The following CFAP61 variants were observed in gnomAD, a reference collection of about 807,000 sequenced individuals.
CFAP61 encodes cilia- and flagella-associated protein 61.
CFAP61 carries 107 observed loss-of-function variants against 135.6 expected under a neutral mutation model. The ratio of observed to expected loss-of-function variants is 0.79; its 90% CI spans 0.67 to 0.93. The LOEUF is 0.93. Among genes scored for constraint, CFAP61 ranks in the 40% least tolerant of loss-of-function variants. The pLI, the probability that CFAP61 is intolerant of heterozygous loss-of-function variation, is 0.00. For synonymous variants in CFAP61, 575 were observed against 578.5 expected (o/e 0.99, Z 0.09); for missense variants, 1,507 against 1,556.2 (o/e 0.97, Z 0.53).
At chr20:20,115,948 A>G (rs1448721658) in intron 8 of CFAP61, among the ~76,000 whole-genome samples, 1 of 152,220 alleles carries the variant, frequency 6.6e-6, no homozygotes, top group African/African-American at 2.4e-5. Context: ...TCTTTTGAAT[A>G]TATACCTAGC....
At chr20:20,173,258 G>A (rs1213930572) in intron 13 of CFAP61, among the ~76,000 whole-genome samples, 2 of 152,200 alleles carry the variant, frequency 1.3e-5, no homozygotes, top group Non-Finnish European at 2.9e-5. Context: ...AGGTTTTTAT[G>A]TGGGTGAAAG....
At chr20:20,205,390 A>G (rs562162873) in intron 17 of CFAP61, among the ~76,000 whole-genome samples, 2 of 152,368 alleles carry the variant, frequency 1.3e-5, no homozygotes, top group Admixed American at 6.5e-5. Flanking sequence ...TAATTGACAG[A>G]GTTTCAAACC....
intron 16 of CFAP61, 52 bp downstream of exon 16, chr20:20,196,828 G>C (rs532498996): frequency 6.4e-5 from 95 of 1,486,986 alleles, no homozygotes; most frequent in Non-Finnish European, 8.6e-5. Context: ...TCACAGTGTT[G>C]TTGGTGTTGT....
In CFAP61 at chr20:20,250,244, T is replaced by C. The variant is rs539443619; in HGVS notation, c.2160-1351T>C. Among the ~76,000 whole-genome samples, 14 of 152,324 alleles carry C rather than the reference T, an allele frequency of 9.2e-5. No homozygotes were observed. The South Asian group carries it at 2.7e-3, about 29-fold the overall frequency. ...AAACAGGGTTCTGTCTCATTAATATTATTTAGAATAATACTCTTCACATAC... is the reference window on the plus strand; with the variant it reads ...AAACAGGGTTCTGTCTCATTAATATCATTTAGAATAATACTCTTCACATAC... On this transcript the variant is annotated intron_variant, in intron 19 of 26. Transcript: ENST00000245957.
chr20:20,193,700 G>C (rs2056086317), intron 15 of CFAP61, among the ~76,000 whole-genome samples: 1 of 152,032 alleles, frequency 6.6e-6, no homozygotes, highest in Admixed American at 6.6e-5. Context: ...TGCAGCCTCT[G>C]CCTCCCGGGT....
chr20:20,295,888 A>G (rs1178605220), intron 24 of CFAP61, among the ~76,000 whole-genome samples: 1 of 151,392 alleles, frequency 6.6e-6, no homozygotes, highest in Non-Finnish European at 1.5e-5. Context: ...GCAAGGGATG[A>G]GCAGAGGAGA....
intron 25 of CFAP61, among the ~76,000 whole-genome samples, chr20:20,306,078 G>A (rs926549436): frequency 6.6e-5 from 10 of 152,188 alleles, no homozygotes; most frequent in African/African-American, 2.4e-4. Context: ...GTCTTTTTTA[G>A]CATATGTCAC....
chr20:20,263,918 C>A (rs1220767821), intron 21 of CFAP61, among the ~76,000 whole-genome samples: 2 of 151,950 alleles, frequency 1.3e-5, no homozygotes, highest in African/African-American at 4.8e-5. Flanking sequence ...CCACTAAGTG[C>A]CCAGAAAGTG....
intron 23 of CFAP61, 33 bp downstream of exon 23, chr20:20,288,969 G>A (rs1383900514): frequency 6.4e-7 from 1 of 1,560,264 alleles, no homozygotes; most frequent in Admixed American, 1.7e-5. Flanking sequence ...CCTTGATGAA[G>A]CCACAGATTA....
chr20:20,303,675 G>A (rs184720452), intron 25 of CFAP61, among the ~76,000 whole-genome samples: 23 of 152,256 alleles, frequency 1.5e-4, no homozygotes, highest in Non-Finnish European at 2.8e-4. Flanking sequence ...TTTTGGCCGC[G>A]ATATGATTAC....
intron 17 of CFAP61, chr20:20,221,055 C>T (rs2048364372): frequency 6.6e-6 from 1 of 152,154 alleles, no homozygotes; most frequent in Non-Finnish European, 1.5e-5. Context: ...GTGTGTTCAC[C>T]CCCAGAGAAG....
intron 9 of CFAP61, among the ~76,000 whole-genome samples, chr20:20,153,826 T>C (rs534037167): frequency 2.6e-5 from 4 of 151,998 alleles, no homozygotes; most frequent in Non-Finnish European, 5.9e-5. Flanking sequence ...TTCCAGAAGA[T>C]AAAGAAAGAG....
chr20:20,300,979 G>A (rs1001685990), intron 25 of CFAP61, among the ~76,000 whole-genome samples: 1 of 152,084 alleles, frequency 6.6e-6, no homozygotes, highest in Non-Finnish European at 1.5e-5. Flanking sequence ...AGATTATAAA[G>A]TAAAAAGAGT....
chr20:20,340,716 G>C (rs967446321), intron 25 of CFAP61, among the ~76,000 whole-genome samples: 5 of 152,186 alleles, frequency 3.3e-5, no homozygotes, highest in Non-Finnish European at 7.4e-5. Context: ...GGGGGTGGGA[G>C]CTCCGATGGT....
chr20:20,234,548 G>A (rs1390684773), intron 18 of CFAP61, among the ~76,000 whole-genome samples: 1 of 152,140 alleles, frequency 6.6e-6, no homozygotes, highest in African/African-American at 2.4e-5. Flanking sequence ...TGCTGGAAAA[G>A]AGATGGCATT....
chr20:20,106,792 C>G lies in CFAP61; in HGVS notation c.859+7978C>G, dbSNP rs77234645. Among the ~76,000 whole-genome samples, 157 of 152,188 alleles carry G rather than the reference C, an allele frequency of 1.0e-3. 3 individuals carry two copies. The highest frequency in any genetic ancestry group is 3.6e-3 in the African/African-American group (149 of 41,526). On this transcript the variant is annotated intron_variant, in intron 8 of 26. Transcript: ENST00000245957. Reference sequence around the variant, plus strand: ...TGACCTTTTTCCTGTTGGGGTAGATCACAGTTTGTTGTTGTTTTCCATTTT... The same window carrying G: ...TGACCTTTTTCCTGTTGGGGTAGATGACAGTTTGTTGTTGTTTTCCATTTT...
intron 15 of CFAP61, 82 bp from the exon 16 acceptor site, chr20:20,196,488 A>AT: frequency 9.3e-7 from 1 of 1,076,594 alleles, no homozygotes; most frequent in Non-Finnish European, 1.4e-6. Flanking sequence ...ACCTAAAGTA[A>AT]TTTTTAAAAG....
At chr20:20,255,678 G>A (rs1452567471) in intron 20 of CFAP61, among the ~76,000 whole-genome samples, 1 of 152,126 alleles carries the variant, frequency 6.6e-6, no homozygotes. Context: ...ACACTCCCCC[G>A]TGTCATTTGA....
chr20:20,106,050 A>G (rs1180774260), intron 8 of CFAP61, among the ~76,000 whole-genome samples: 2 of 110,754 alleles, frequency 1.8e-5, no homozygotes, highest in African/African-American at 1.0e-4. Flanking sequence ...ATATATATAT[A>G]AAATTTGATT....
Sources: allele counts gnomAD v4.1 joint callset (sites outside exome capture counted in the v4.1 genomes callset), GRCh38; gene constraint gnomAD v4.1.1; transcripts MANE v1.5; gene names NCBI Gene and HGNC (gene_info 2026-07-23, HGNC 2026-07-21).